OGDHL: variants seen among roughly 807,000 people sequenced by gnomAD.
OGDHL encodes the protein 2-oxoglutarate dehydrogenase-like, mitochondrial.
In OGDHL, 79 loss-of-function variants were observed where a neutral mutation model predicts 109.6. That is an observed-to-expected ratio of 0.72 (90% CI 0.60 to 0.87). The LOEUF is 0.87. OGDHL is among the 40% of genes least tolerant of loss of function. OGDHL has a pLI of 0.00. For missense variants in OGDHL, 1,275 were observed against 1,362.2 expected, an observed-to-expected ratio of 0.94 and a Z score of 1.01; for synonymous variants, 528 against 537.2, an observed-to-expected ratio of 0.98 and a Z score of 0.24.
At chr10:49,745,130 C>T (rs1842079671) in intron 12 of OGDHL, among the ~76,000 whole-genome samples, 1 of 152,264 alleles carries the variant, frequency 6.6e-6, no homozygotes, top group South Asian at 2.1e-4. Flanking sequence ...CTGGACTTCC[C>T]CCACATTGCA....
chr10:49,738,815 A>C (rs1841416897), intron 17 of OGDHL: 1 of 156,392 alleles, frequency 6.4e-6, no homozygotes, highest in African/African-American at 2.4e-5. Flanking sequence ...GGCATCTCCA[A>C]GCCAGCTCCT....
At position 49,744,213 on chromosome 10, in the gene OGDHL, G is replaced by A. The variant is rs1842013388; in HGVS notation, c.1733-91C>T. 2.0e-6 allele frequency: 3 copies of A among 1,510,056 alleles called. No individual in the cohort carries two copies. The Admixed American group carries it at 5.8e-5, about 29-fold the overall frequency. 93.5% of individuals were successfully genotyped at this position (1,510,056 alleles called of 1,614,324 possible). On this transcript the variant is annotated intron_variant, in intron 13 of 22. Transcript: ENST00000374103. The stretch of plus-strand genomic sequence containing the variant: ...GCCTCCCCAGGACTGAGTGGCCCAT[G>A]GCTTCCCAAACTCCACCGGCACTCG...
intron 3 of OGDHL, 128 bp from the exon 4 acceptor site, chr10:49,752,868 C>T (rs1378175723): frequency 2.0e-5 from 13 of 659,978 alleles, no homozygotes; most frequent in Non-Finnish European, 2.8e-5. Flanking sequence ...GTCTCTGCCC[C>T]GCGGCTACTT....
chr10:49,747,876 G>A (rs759502931), intron 8 of OGDHL, among the ~76,000 whole-genome samples: 2 of 152,212 alleles, frequency 1.3e-5, no homozygotes, highest in Non-Finnish European at 2.9e-5. Context: ...AAAGCCACAA[G>A]CAGGAATTTA....
rs1590705457 is a variant in OGDHL, at chr10:49,742,682, G to A, written c.2012+146C>T. ...ACACTTGCCCTGGGGGGTCAGCGAG[G>A]TGGCCATCTGATGATGCCACCTGAG... On this transcript the variant is annotated intron_variant, in intron 15 of 22. Coordinates refer to ENST00000374103, the MANE Select transcript of OGDHL (RefSeq NM_018245.3). 1.8e-5 allele frequency: 19 copies of A among 1,058,064 alleles called. No homozygotes were observed. The East Asian group carries it at 4.2e-4, about 23-fold the overall frequency. 65.5% of individuals were successfully genotyped at this position (1,058,064 alleles called of 1,614,324 possible).
In OGDHL at chr10:49,745,242, TA is replaced by T. The variant is rs1842089123; in HGVS notation, c.1629+101del. On this transcript the variant is annotated intron_variant, in intron 12 of 22. Coordinates refer to ENST00000374103, the MANE Select transcript of OGDHL (RefSeq NM_018245.3). ...ACAAGGACCATAGTGGCTACTTCTT[TA>T]AATCCTTAGTGCCCAGCACTGGGCT... 4.8e-6 allele frequency: 7 copies of T among 1,448,808 alleles called. No individual in the cohort carries two copies. The East Asian group carries it at 1.6e-4, about 33-fold the overall frequency. The allele number at this position is 1,448,808 out of a possible 1,614,324, so 89.7% of individuals were successfully genotyped here. A position where few individuals can be genotyped will look rare whatever the true frequency, so the allele number is the denominator to read the frequency against.
chr10:49,735,239 T>G lies in OGDHL; in HGVS notation c.3022A>C (p.Lys1008Gln), dbSNP rs768932335. 1 of 1,613,790 alleles carries G rather than the reference T, an allele frequency of 6.2e-7. No homozygotes were observed. Among genetic ancestry groups the G allele is most frequent in the Non-Finnish European group, 8.5e-7 (1 of 1,179,816 alleles). ...TAFNLQAFEG[K>Q]TF ...GGTTTTGCCCAGCTCTAAAATGTCT[T>G]GCCCTCAAAGGCCTGGAGATTGAAG... The change falls in exon 23 of 23, where the codon AAG (lysine) becomes CAG (glutamine). Residue 1008 changes from lysine (K) to glutamine (Q), a missense_variant. Physicochemically the swap from Lys to Gln is moderately conservative, Grantham distance 53. Coordinates refer to ENST00000374103, the MANE Select transcript of OGDHL (RefSeq NM_018245.3).
chr10:49,756,697 G>T (rs916308886), intron 3 of OGDHL, 79 bp downstream of exon 3: 9 of 1,387,610 alleles, frequency 6.5e-6, no homozygotes, highest in Non-Finnish European at 8.7e-6. Flanking sequence ...TGTTGGAGCT[G>T]AGACCCCTTC....
chr10:49,735,920 G>C, intron 22 of OGDHL, 103 bp downstream of exon 22: 1 of 1,307,018 alleles, frequency 7.7e-7, no homozygotes, highest in Non-Finnish European at 1.0e-6. Flanking sequence ...CATCACCAGA[G>C]AAGGGCAGGG....
intron 17 of OGDHL, chr10:49,738,691 A>G (rs1046012105): frequency 5.0e-6 from 1 of 201,024 alleles, no homozygotes; most frequent in African/African-American, 2.3e-5. Flanking sequence ...AGAGGGTAAG[A>G]AACCACCCAT....
chr10:49,745,814 T>A lies in OGDHL; in HGVS notation c.1460A>T (p.Asp487Val). The A allele has an allele frequency of 6.2e-7, 1 of 1,614,058 alleles. No individual in the cohort carries two copies. Among genetic ancestry groups the A allele is most frequent in the Non-Finnish European group, 8.5e-7 (1 of 1,179,994 alleles). The change falls in exon 11 of 23, where the codon GAT becomes GTT. Residue 487 changes from aspartate to valine, a missense_variant. Coordinates refer to ENST00000374103, the MANE Select transcript of OGDHL (RefSeq NM_018245.3). ...CAGACCCACCAGGTCCACGACAACA[T>A]CTTTGTTGAAAGTGTTTCTCCATTC... ...AAEWRNTFNK[D>V]VVVDLVCYRR...
chr10:49,736,138 C>T lies in OGDHL; in HGVS notation c.2794G>A (p.Glu932Lys), dbSNP rs1841150973. The T allele has an allele frequency of 6.2e-7, 1 of 1,608,950 alleles. No individual in the cohort carries two copies. The highest frequency in any genetic ancestry group is 1.3e-5 in the African/African-American group (1 of 74,868). The change falls in exon 22 of 23, where the codon GAG (glutamate) becomes AAG (lysine). Residue 932 changes from glutamate to lysine, a missense_variant. By Grantham distance (56) the Glu-to-Lys change is moderately conservative (BLOSUM62 1). Coordinates refer to ENST00000374103, the MANE Select transcript of OGDHL (RefSeq NM_018245.3). Reference protein sequence around the residue: ...FPFDLIKQEAEKYPGAELAWC... With the variant: ...FPFDLIKQEAKKYPGAELAWC... ...GCCAGCTCCGCACCTGGGTACTTCT[C>T]TGCCTCCTGCTTGATCAGGTCGAAG...
chr10:49,744,647 C>T lies in OGDHL; in HGVS notation c.1732+3G>A, dbSNP rs760645649. The T allele has an allele frequency of 1.3e-5, 21 of 1,613,256 alleles. No homozygotes were observed. Among genetic ancestry groups the T allele is most frequent in the South Asian group, 7.7e-5 (7 of 91,054 alleles). On this transcript the variant is annotated splice_donor_region_variant and intron_variant, in intron 13 of 22. Transcript: ENST00000374103. ...CCCTCTGAGCCACACACTGCTCGCT[C>T]ACCAGGCCAGGGGGAGTCCAACCAG... is the stretch of plus-strand genomic sequence containing the variant.
In OGDHL at chr10:49,750,879, C is replaced by T. The variant is rs771174825; in HGVS notation, c.856G>A (p.Glu286Lys). 5 of 1,612,300 alleles carry T rather than the reference C, an allele frequency of 3.1e-6. No homozygotes were observed. The highest frequency in any genetic ancestry group is 1.3e-5 in the African/African-American group (1 of 74,904). ...AAGATGACATTCTCAATCCCCATCT[C>T]GCTGGATTTGTCGATGATGGTCTTG... The part of the protein sequence containing the change: ...ALKTIIDKSS[E>K]MGIENVILGM... Residue 286 changes from glutamate (E) to lysine (K), a missense_variant, in exon 7 of 23, where the codon GAG becomes AAG. Transcript: ENST00000374103.
intron 3 of OGDHL, among the ~76,000 whole-genome samples, chr10:49,753,037 C>T (rs1332834123): frequency 6.6e-6 from 1 of 152,182 alleles, no homozygotes; most frequent in Non-Finnish European, 1.5e-5. Flanking sequence ...GAAACTTCCC[C>T]ACTGTCTATC....
intron 20 of OGDHL, among the ~76,000 whole-genome samples, chr10:49,737,019 G>A (rs1021424213): frequency 4.6e-5 from 7 of 152,088 alleles, no homozygotes; most frequent in Admixed American, 6.5e-5. Flanking sequence ...CCCAGGTCAC[G>A]CACACTGCAA....
At position 49,736,476 on chromosome 10, in the gene OGDHL, G is replaced by A. The variant is rs1202459613; in HGVS notation, c.2635C>T (p.Arg879Trp). Reference protein sequence around the residue: ...RVIPEDGAAARAPEQVQRLIF... With the variant: ...RVIPEDGAAAWAPEQVQRLIF... ...AGCCGCTGCACCTGCTCAGGGGCCCGTGCTGCGGCCCCATCTTCAGGAATC... is the reference window on the plus strand; with the variant it reads ...AGCCGCTGCACCTGCTCAGGGGCCCATGCTGCGGCCCCATCTTCAGGAATC... The change falls in exon 21 of 23, where the codon CGG becomes TGG. Residue 879 changes from arginine (R) to tryptophan (W), a missense_variant. Transcript: ENST00000374103. 2.4e-5 allele frequency: 38 copies of A among 1,613,658 alleles called. No homozygotes were observed. Among genetic ancestry groups the A allele is most frequent in the Admixed American group, 1.7e-4 (10 of 59,996 alleles).
chr10:49,758,896 C>A (rs1301762244), intron 1 of OGDHL, among the ~76,000 whole-genome samples: 1 of 152,174 alleles, frequency 6.6e-6, no homozygotes, highest in Non-Finnish European at 1.5e-5. Context: ...TGTGCAGAGA[C>A]ATGAACTCCC....
At chr10:49,759,353 C>T (rs1843124531) in intron 1 of OGDHL, among the ~76,000 whole-genome samples, 1 of 152,192 alleles carries the variant, frequency 6.6e-6, no homozygotes, top group Admixed American at 6.5e-5. Flanking sequence ...CCACTCAAGA[C>T]AGCTAACAGT....
Sources: allele counts gnomAD v4.1 joint callset (sites outside exome capture counted in the v4.1 genomes callset), GRCh38; gene constraint gnomAD v4.1.1; transcripts MANE v1.5; gene names NCBI Gene and HGNC (gene_info 2026-07-23, HGNC 2026-07-21).